THSD7A: variants seen among roughly 807,000 people sequenced by gnomAD.
THSD7A encodes thrombospondin type 1 domain containing 7A.
Under a neutral mutation model 231.3 loss-of-function variants are expected in THSD7A, and 96 were observed. That is an observed-to-expected ratio of 0.41 (90% confidence interval 0.35 to 0.49). The LOEUF (loss-of-function observed/expected upper bound fraction) is 0.49. Ranked by LOEUF, THSD7A falls within the 20% of genes least tolerant of loss-of-function variation. The probability of loss-of-function intolerance (pLI) is 0.05; values close to 1 mark genes in which losing one functional copy is unlikely to be tolerated. For synonymous variants in THSD7A, 940 were observed against 743.3 expected (o/e 1.26, Z -4.30); for missense variants, 2,290 against 2,070.2 (o/e 1.11, Z -2.06).
At chr7:11,668,274 C>T (rs1279430655) in intron 1 of THSD7A, among the ~76,000 whole-genome samples, 1 of 151,930 alleles carries the variant, frequency 6.6e-6, no homozygotes, top group African/African-American at 2.4e-5. Flanking sequence ...AAAAATTAGC[C>T]TGGTCTAGTG....
chr7:11,439,649 A>C (rs905821942), intron 13 of THSD7A, among the ~76,000 whole-genome samples: 3 of 152,028 alleles, frequency 2.0e-5, no homozygotes, highest in African/African-American at 7.2e-5. Context: ...AAAGAATACC[A>C]AACCAGTCAG....
intron 6 of THSD7A, among the ~76,000 whole-genome samples, chr7:11,497,958 G>A (rs1386186866): frequency 6.6e-6 from 1 of 152,106 alleles, no homozygotes; most frequent in East Asian, 1.9e-4. Flanking sequence ...TGGGTTAGGA[G>A]ATCTCTTTGA....
intron 23 of THSD7A, among the ~76,000 whole-genome samples, chr7:11,399,216 A>T (rs1783306586): frequency 6.6e-6 from 1 of 152,218 alleles, no homozygotes; most frequent in Admixed American, 6.5e-5. Flanking sequence ...CATAGGTTTG[A>T]AAATAGTTAT....
intron 1 of THSD7A, among the ~76,000 whole-genome samples, chr7:11,663,234 T>A (rs898834154): frequency 7.9e-5 from 12 of 151,478 alleles, no homozygotes; most frequent in South Asian, 4.1e-4. Flanking sequence ...GAGGGTATTA[T>A]GACAAATCTT....
At chr7:11,782,456 C>T (rs1296215869) in intron 1 of THSD7A, among the ~76,000 whole-genome samples, 2 of 152,082 alleles carry the variant, frequency 1.3e-5, no homozygotes, top group East Asian at 3.8e-4. Context: ...CATTCTTTCT[C>T]AGTAATTCTA....
chr7:11,407,933 CTT>C (rs1348493823), intron 19 of THSD7A, among the ~76,000 whole-genome samples: 1 of 151,850 alleles, frequency 6.6e-6, no homozygotes, highest in East Asian at 1.9e-4. Context: ...TATCAGCTAT[CTT>C]TTAAAAAAAG....
intron 1 of THSD7A, among the ~76,000 whole-genome samples, chr7:11,812,140 T>TGTGTGTGTGTGTGTGTGTGTGTGA (rs377112108): frequency 6.1e-5 from 9 of 147,014 alleles, no homozygotes; most frequent in African/African-American, 2.1e-4. Flanking sequence ...TGTGTGTGTG[T>TGTGTGTGTGTGTGTGTGTGTGTGA]GGGAGACAGA....
chr7:11,798,254 G>C (rs982114320), intron 1 of THSD7A, among the ~76,000 whole-genome samples: 10 of 152,084 alleles, frequency 6.6e-5, no homozygotes, highest in African/African-American at 2.4e-4. Context: ...AGGATCACTT[G>C]AGGTCAAGAG....
At chr7:11,515,350 C>T (rs59929683) in intron 6 of THSD7A, among the ~76,000 whole-genome samples, 24,529 of 152,046 alleles carry the variant, frequency 0.16, 2,340 homozygotes, top group African/African-American at 0.26. Flanking sequence ...GTGAATTTAT[C>T]CCACTTTTCT....
chr7:11,379,572 G>T, intron 25 of THSD7A, 58 bp downstream of exon 25: 1 of 1,434,582 alleles, frequency 7.0e-7, no homozygotes, highest in Non-Finnish European at 9.6e-7. Context: ...CTGCATAAGA[G>T]ACAGTGGGGT....
chr7:11,737,191 T>G (rs1419533618), intron 1 of THSD7A, among the ~76,000 whole-genome samples: 1 of 152,024 alleles, frequency 6.6e-6, no homozygotes, highest in African/African-American at 2.4e-5. Context: ...TTCATTTTGC[T>G]GACATAAGGA....
intron 4 of THSD7A, among the ~76,000 whole-genome samples, chr7:11,583,343 C>G (rs1323135473): frequency 1.3e-5 from 2 of 152,132 alleles, no homozygotes; most frequent in African/African-American, 4.8e-5. Flanking sequence ...GTGGCACAAT[C>G]TTGGCTAACT....
chr7:11,394,144 G>T (rs1783090666), intron 23 of THSD7A, among the ~76,000 whole-genome samples: 1 of 152,216 alleles, frequency 6.6e-6, no homozygotes, highest in Admixed American at 6.5e-5. Context: ...ACAAAGGGAA[G>T]CCCATCAGAC....
intron 1 of THSD7A, among the ~76,000 whole-genome samples, chr7:11,809,810 T>C (rs1199786148): frequency 6.6e-6 from 1 of 152,098 alleles, no homozygotes; most frequent in Non-Finnish European, 1.5e-5. Context: ...CACAGTTGAG[T>C]CTTATATGTA....
chr7:11,550,077 C>T (rs1472786325), intron 4 of THSD7A, among the ~76,000 whole-genome samples: 1 of 151,992 alleles, frequency 6.6e-6, no homozygotes, highest in Admixed American at 6.6e-5. Flanking sequence ...TGCTTTTATA[C>T]CTAGAAAACC....
chr7:11,715,386 C>A (rs371376065), intron 1 of THSD7A, among the ~76,000 whole-genome samples: 17 of 151,410 alleles, frequency 1.1e-4, no homozygotes, highest in African/African-American at 3.6e-4. Flanking sequence ...CTAAAATATG[C>A]AGGAAAAAAA....
intron 2 of THSD7A, among the ~76,000 whole-genome samples, chr7:11,627,739 T>C (rs1163188676): frequency 3.3e-5 from 5 of 152,096 alleles, no homozygotes; most frequent in Admixed American, 1.3e-4. Context: ...TGAATTATAA[T>C]TTTGGTCAGA....
At chr7:11,397,070 A>T (rs946833651) in intron 23 of THSD7A, among the ~76,000 whole-genome samples, 1 of 152,238 alleles carries the variant, frequency 6.6e-6, no homozygotes, top group African/African-American at 2.4e-5. Flanking sequence ...GGCCTTTGAC[A>T]AAATTCAACA....
intron 6 of THSD7A, among the ~76,000 whole-genome samples, chr7:11,513,147 G>T (rs1787888872): frequency 6.6e-6 from 1 of 151,098 alleles, no homozygotes; most frequent in African/African-American, 2.4e-5. Context: ...ATGGACTTTG[G>T]GGACTTGGGG....
Sources: gnomAD v4.1 joint callset for allele counts (sites outside exome capture counted in the v4.1 genomes callset) on GRCh38, gnomAD v4.1.1 for gene constraint, MANE v1.5 for transcripts, NCBI Gene and HGNC (gene_info 2026-07-23, HGNC 2026-07-21) for gene names.